CDYL2: variants seen among roughly 807,000 people sequenced by gnomAD.
The protein encoded by CDYL2 is chromodomain Y like 2.
CDYL2 carries 23 observed loss-of-function variants against 49.4 expected under a neutral mutation model. The observed-to-expected ratio is 0.47, with a 90% confidence interval of 0.34 to 0.66. The LOEUF (loss-of-function observed/expected upper bound fraction) is 0.66. Ranked by LOEUF, CDYL2 falls within the 30% of genes least tolerant of loss-of-function variation. CDYL2 has a pLI of 0.01. For missense variants in CDYL2, 678 were observed against 656.4 expected (o/e 1.03, Z -0.36); for synonymous variants, 360 against 268.8 (o/e 1.34, Z -3.32).
intron 2 of CDYL2, among the ~76,000 whole-genome samples, chr16:80,677,903 CA>C (rs1394974423): frequency 3.3e-5 from 5 of 151,630 alleles, no homozygotes; most frequent in African/African-American, 9.7e-5. Context: ...GTACTGGTAC[CA>C]AAACAGAGAT....
chr16:80,744,219 G>C (rs1905849088), intron 1 of CDYL2, among the ~76,000 whole-genome samples: 1 of 152,126 alleles, frequency 6.6e-6, no homozygotes, highest in African/African-American at 2.4e-5. Context: ...CAGGAGCCCT[G>C]GGGAACACAC....
intron 1 of CDYL2, among the ~76,000 whole-genome samples, chr16:80,751,364 G>C (rs1322786753): frequency 6.6e-6 from 1 of 152,198 alleles, no homozygotes; most frequent in Non-Finnish European, 1.5e-5. Context: ...CTGACACTTA[G>C]CATTCTGGTC....
chr16:80,609,433 T>TACACAA (rs1906496262), intron 5 of CDYL2, among the ~76,000 whole-genome samples: 1 of 152,214 alleles, frequency 6.6e-6, no homozygotes, highest in Non-Finnish European at 1.5e-5. Context: ...CACTGATGGT[T>TACACAA]CGTGATGACC....
At chr16:80,658,385 G>A (rs999080419) in intron 2 of CDYL2, among the ~76,000 whole-genome samples, 1 of 152,102 alleles carries the variant, frequency 6.6e-6, no homozygotes, top group African/African-American at 2.4e-5. Context: ...GGGGAGAGGG[G>A]AAGAACAAAT....
At chr16:80,711,547 G>A (rs1904596500) in intron 1 of CDYL2, among the ~76,000 whole-genome samples, 1 of 152,204 alleles carries the variant, frequency 6.6e-6, no homozygotes, top group Non-Finnish European at 1.5e-5. Flanking sequence ...CAAAGTGGAA[G>A]AGAGCTCAAG....
chr16:80,645,060 A>G (rs1908274789), intron 2 of CDYL2, among the ~76,000 whole-genome samples: 1 of 152,188 alleles, frequency 6.6e-6, no homozygotes, highest in African/African-American at 2.4e-5. Flanking sequence ...AGGCAATACC[A>G]TTCAGGACAT....
At position 80,598,820 on chromosome 16, in the gene CDYL2, T is replaced by C. The variant is rs554959550; in HGVS notation, c.*5568A>G. 18 of 152,246 alleles carry C rather than the reference T, an allele frequency of 1.2e-4. No homozygotes were observed. Among genetic ancestry groups the C allele is most frequent in the African/African-American group, 3.9e-4 (16 of 41,534 alleles). The allele number at this position is 152,246 out of a possible 1,614,324, so 9.4% of individuals were successfully genotyped here. The stretch of plus-strand genomic sequence containing the variant: ...GCATGAGGTTGGTGGAAGTCAGCAG[T>C]TTCTCTGCACCATCAAGCATGCACA... On this transcript the variant is annotated 3_prime_UTR_variant, in exon 7 of 7. Coordinates refer to ENST00000570137, the MANE Select transcript of CDYL2 (RefSeq NM_152342.4).
At position 80,605,936 on chromosome 16, in the gene CDYL2, T is replaced by C. The variant is rs74862994; in HGVS notation, c.1363-1390A>G. Among the ~76,000 whole-genome samples the C allele has an allele frequency of 4.6e-5, 7 of 152,102 alleles. No individual in the cohort carries two copies. In the East Asian group the frequency reaches 1.2e-3, roughly 25 times the overall value. ...TGGCCCAGGGCTGCCTGACCACTCA[T>C]GGGTAGAGGGAGCAGGAAAACCTGG... On this transcript the variant is annotated intron_variant, in intron 6 of 6. Coordinates refer to ENST00000570137, the MANE Select transcript of CDYL2 (RefSeq NM_152342.4).
At chr16:80,768,336 T>TCAA (rs1180196967) in intron 1 of CDYL2, among the ~76,000 whole-genome samples, 7 of 152,192 alleles carry the variant, frequency 4.6e-5, no homozygotes. Flanking sequence ...ATCCCCAACA[T>TCAA]CAACACCTCA....
intron 1 of CDYL2, among the ~76,000 whole-genome samples, chr16:80,693,466 C>CA (rs954075628): frequency 6.6e-5 from 10 of 151,730 alleles, no homozygotes; most frequent in African/African-American, 1.9e-4. Context: ...GTATTATTTA[C>CA]AAAAAAAAGT....
intron 1 of CDYL2, among the ~76,000 whole-genome samples, chr16:80,700,248 A>G (rs1597085159): frequency 6.6e-6 from 1 of 152,248 alleles, no homozygotes; most frequent in African/African-American, 2.4e-5. Flanking sequence ...AAAATCTAAG[A>G]ACATATCAAA....
intron 1 of CDYL2, among the ~76,000 whole-genome samples, chr16:80,777,442 A>G (rs1266944267): frequency 6.8e-6 from 1 of 146,696 alleles, no homozygotes; most frequent in Non-Finnish European, 1.5e-5. Flanking sequence ...GATTTTACAG[A>G]AAAAAAAATC....
At chr16:80,769,738 G>C (rs562873595) in intron 1 of CDYL2, among the ~76,000 whole-genome samples, 2 of 152,172 alleles carry the variant, frequency 1.3e-5, no homozygotes, top group African/African-American at 4.8e-5. Flanking sequence ...CCTTTATAGA[G>C]ACGATAAAAC....
intron 6 of CDYL2, among the ~76,000 whole-genome samples, 157 bp from the exon 7 acceptor site, chr16:80,604,703 C>T (rs138442482): frequency 1.9e-4 from 29 of 152,132 alleles, no homozygotes; most frequent in African/African-American, 6.3e-4. Context: ...GTTTCCAGCA[C>T]GGCCATGAAT....
intron 3 of CDYL2, among the ~76,000 whole-genome samples, chr16:80,627,394 T>C (rs917939546): frequency 3.3e-5 from 5 of 152,180 alleles, no homozygotes; most frequent in Non-Finnish European, 7.4e-5. Flanking sequence ...TACTTCTCAA[T>C]TCGTTAAGAA....
rs28702724 is a variant in CDYL2, at chr16:80,656,517, A to T, written c.617-23281T>A. Among the ~76,000 whole-genome samples the T allele has an allele frequency of 2.5e-3, 387 of 152,328 alleles. 3 individuals are homozygous for T. The highest frequency in any genetic ancestry group is 9.0e-3 in the African/African-American group (375 of 41,572). On this transcript the variant is annotated intron_variant, in intron 2 of 6. Transcript: ENST00000570137. ...TGGGAGGGCAGCTGAGAAGTAAAGG[A>T]AATGGTGCATGCTACATATCTGGAA...
chr16:80,671,669 AG>A (rs1475944551), intron 2 of CDYL2, among the ~76,000 whole-genome samples: 1 of 152,256 alleles, frequency 6.6e-6, no homozygotes, highest in Non-Finnish European at 1.5e-5. Context: ...GAAAAAGCTC[AG>A]CTTCAGTGGA....
intron 1 of CDYL2, among the ~76,000 whole-genome samples, chr16:80,686,813 T>C (rs1455306228): frequency 3.9e-5 from 6 of 152,236 alleles, no homozygotes; most frequent in Admixed American, 2.0e-4. Context: ...TGCCTCTTCA[T>C]AGACAATTTA....
At chr16:80,759,880 T>C (rs929261001) in intron 1 of CDYL2, among the ~76,000 whole-genome samples, 6 of 144,276 alleles carry the variant, frequency 4.2e-5, no homozygotes, top group Admixed American at 2.7e-4. Context: ...GCTTGAACTG[T>C]ATTTTTTTGA....
Sources: allele counts gnomAD v4.1 joint callset (sites outside exome capture counted in the v4.1 genomes callset), GRCh38; gene constraint gnomAD v4.1.1; transcripts MANE v1.5; gene names NCBI Gene and HGNC (gene_info 2026-07-23, HGNC 2026-07-21).